The following PRDM5 variants were observed in gnomAD, a reference collection of about 807,000 sequenced individuals.
PRDM5 encodes the protein PR/SET domain 5.
A neutral mutation model predicts 81.2 loss-of-function variants in PRDM5; 56 were observed. That is an observed-to-expected ratio of 0.69 (90% CI 0.56 to 0.86). The LOEUF (loss-of-function observed/expected upper bound fraction) is 0.86. PRDM5 is among the 40% of genes least tolerant of loss of function. PRDM5 has a pLI of 0.00. For missense variants in PRDM5, 697 were observed against 770.1 expected (o/e 0.91, Z 1.12); for synonymous variants, 267 against 256.4 (o/e 1.04, Z -0.39).
At chr4:120,746,973 AC>A (rs1743184403) in intron 14 of PRDM5, among the ~76,000 whole-genome samples, 1 of 150,984 alleles carries the variant, frequency 6.6e-6, no homozygotes, top group Admixed American at 6.6e-5. Flanking sequence ...TGCTATAAAG[AC>A]ACATGCACAC....
chr4:120,824,066 T>C (rs755626634), intron 3 of PRDM5, among the ~76,000 whole-genome samples: 1 of 152,188 alleles, frequency 6.6e-6, no homozygotes, highest in African/African-American at 2.4e-5. Context: ...CAGAAGCAGA[T>C]GCTGGCACCA....
intron 14 of PRDM5, among the ~76,000 whole-genome samples, chr4:120,728,409 T>A (rs527645117): frequency 2.0e-5 from 3 of 152,098 alleles, no homozygotes; most frequent in Non-Finnish European, 4.4e-5. Flanking sequence ...CATAATGACA[T>A]AGGAAACTAA....
At position 120,808,087 on chromosome 4, in the gene PRDM5, G is replaced by C. The variant is rs1195400068; in HGVS notation, c.945+3283C>G. 2.0e-5 allele frequency among the ~76,000 whole-genome samples: 3 copies of C among 152,144 alleles called. No homozygotes were observed. In the South Asian group the frequency reaches 6.2e-4, roughly 32 times the overall value. ...GTGTGGACCCAAAGAGTGAGCAGCA[G>C]CAAGACTTATTGCAAAGAGCAAAAG... On this transcript the variant is annotated intron_variant, in intron 8 of 15. Coordinates refer to ENST00000264808, the MANE Select transcript of PRDM5 (RefSeq NM_018699.4).
At chr4:120,763,701 T>C (rs947728300) in intron 13 of PRDM5, among the ~76,000 whole-genome samples, 1 of 152,224 alleles carries the variant, frequency 6.6e-6, no homozygotes, top group African/African-American at 2.4e-5. Context: ...TTTCACCCAG[T>C]AGTTTTCTAT....
rs548002428 is a variant in PRDM5 at position 120,741,613 on chromosome 4, G to A, written c.1623+12940C>T. On this transcript the variant is annotated intron_variant, in intron 14 of 15. Transcript: ENST00000264808. ...AGCAGGGCCAGGCATTGCCTCACTC[G>A]GGAAGCACAAAGGGTCAGGGAGTTC... 1.2e-3 allele frequency among the ~76,000 whole-genome samples: 175 copies of A among 152,150 alleles called. 1 individual carries two copies. Among genetic ancestry groups the A allele is most frequent in the African/African-American group, 4.0e-3 (167 of 41,526 alleles).
intron 9 of PRDM5, 21 bp downstream of exon 9, chr4:120,799,640 C>T: frequency 1.2e-6 from 2 of 1,609,060 alleles, no homozygotes; most frequent in South Asian, 2.2e-5. Flanking sequence ...TCACTATAAA[C>T]AAAAAAAGTA....
chr4:120,714,878 A>G (rs1275297520), intron 14 of PRDM5, among the ~76,000 whole-genome samples: 1 of 152,186 alleles, frequency 6.6e-6, no homozygotes, highest in African/African-American at 2.4e-5. Context: ...GGTGAGGCAG[A>G]TATTGTAAGT....
chr4:120,799,546 C>G, intron 9 of PRDM5, 115 bp downstream of exon 9: 1 of 1,471,046 alleles, frequency 6.8e-7, no homozygotes, highest in Non-Finnish European at 9.1e-7. Flanking sequence ...TACTAAAGGT[C>G]CAAAGCAGAA....
chr4:120,695,033 T>A lies in PRDM5; in HGVS notation c.*78A>T. 6.6e-7 allele frequency: 1 copy of A among 1,515,990 alleles called. No individual in the cohort carries two copies. 93.9% of individuals were successfully genotyped at this position (1,515,990 alleles called of 1,614,324 possible). On this transcript the variant is annotated 3_prime_UTR_variant, in exon 16 of 16. Transcript: ENST00000264808. Reference sequence around the variant, plus strand: ...AGTAAGTCACTTTTGGCTACTTCTGTTATGCTGATCAGGTGATAAAAATCT... The same window carrying A: ...AGTAAGTCACTTTTGGCTACTTCTGATATGCTGATCAGGTGATAAAAATCT...
chr4:120,723,923 ATTTTTTTTTTTTTTT>A (rs70948360), intron 14 of PRDM5, among the ~76,000 whole-genome samples: 2 of 81,278 alleles, frequency 2.5e-5, no homozygotes, highest in Non-Finnish European at 4.5e-5. Context: ...GATAGCTTGA[ATTTTTTTTTTTTTTT>A]TTTTTTTTTT....
chr4:120,747,520 C>T (rs1561073201), intron 14 of PRDM5, among the ~76,000 whole-genome samples: 3 of 151,660 alleles, frequency 2.0e-5, no homozygotes, highest in East Asian at 3.9e-4. Context: ...CCACCCAAAC[C>T]CTCTAGATAA....
chr4:120,853,309 T>C (rs1759498823), intron 3 of PRDM5, 109 bp downstream of exon 3: 1 of 1,506,022 alleles, frequency 6.6e-7, no homozygotes, highest in South Asian at 1.1e-5. Context: ...TGAGTTACTG[T>C]TATTTGAAGG....
rs200365651 is a variant in PRDM5 at position 120,747,385 on chromosome 4, G to A, written c.1623+7168C>T. Reference sequence around the variant, plus strand: ...ACCAGCATGGCACATGTATACATATGTAACTAACTTGCACAATGTGCACAT... The same window carrying A: ...ACCAGCATGGCACATGTATACATATATAACTAACTTGCACAATGTGCACAT... On this transcript the variant is annotated intron_variant, in intron 14 of 15. Coordinates refer to ENST00000264808, the MANE Select transcript of PRDM5 (RefSeq NM_018699.4). 1.4e-4 allele frequency among the ~76,000 whole-genome samples: 21 copies of A among 151,870 alleles called. 1 individual carries two copies. In the East Asian group the frequency reaches 2.3e-3, roughly 17 times the overall value.
At chr4:120,708,746 G>A (rs1736546070) in intron 15 of PRDM5, among the ~76,000 whole-genome samples, 1 of 152,108 alleles carries the variant, frequency 6.6e-6, no homozygotes. Flanking sequence ...TGAGCTATGT[G>A]TTACAAGTAG....
intron 3 of PRDM5, among the ~76,000 whole-genome samples, chr4:120,830,997 C>T (rs1398350551): frequency 1.3e-5 from 2 of 151,658 alleles, no homozygotes; most frequent in Non-Finnish European, 2.9e-5. Flanking sequence ...AAAGAATCAA[C>T]AAAAAAGAAC....
intron 14 of PRDM5, among the ~76,000 whole-genome samples, chr4:120,710,747 T>C (rs1485406410): frequency 1.3e-5 from 2 of 152,050 alleles, no homozygotes; most frequent in Non-Finnish European, 1.5e-5. Context: ...CCTGCCGCCA[T>C]GTGAAGAAGG....
chr4:120,908,918 A>G (rs1766163937), intron 1 of PRDM5, among the ~76,000 whole-genome samples: 2 of 152,148 alleles, frequency 1.3e-5, no homozygotes, highest in South Asian at 4.1e-4. Flanking sequence ...CTTAAACACA[A>G]CAGCCCCAAA....
chr4:120,844,355 TA>T (rs1387130158), intron 3 of PRDM5, among the ~76,000 whole-genome samples: 1 of 152,174 alleles, frequency 6.6e-6, no homozygotes, highest in Non-Finnish European at 1.5e-5. Context: ...TTGCATATTT[TA>T]CAAATTGAAG....
chr4:120,712,927 A>G (rs908456038), intron 14 of PRDM5, among the ~76,000 whole-genome samples: 2 of 152,184 alleles, frequency 1.3e-5, no homozygotes. Context: ...AATCTTGTAC[A>G]CTTGAATATA....
Sources: allele counts gnomAD v4.1 joint callset (sites outside exome capture counted in the v4.1 genomes callset), GRCh38; gene constraint gnomAD v4.1.1; transcripts MANE v1.5; gene names NCBI Gene and HGNC (gene_info 2026-07-23, HGNC 2026-07-21).